Variants in NRXN2 observed in about 807,000 individuals in gnomAD.
The protein encoded by NRXN2 is neurexin 2.
NRXN2 carries 29 observed loss-of-function variants against 128.8 expected under a neutral mutation model. That is an observed-to-expected ratio of 0.23 (90% confidence interval 0.17 to 0.31). The LOEUF is 0.31. NRXN2 is among the 10% of genes least tolerant of loss of function. The pLI is 1.00. For missense variants in NRXN2, 1,881 were observed against 2,452.6 expected (o/e 0.77, Z 4.92); for synonymous variants, 1,098 against 1,075.2 (o/e 1.02, Z -0.41).
At chr11:64,688,188 C>T (rs1267777813) in intron 5 of NRXN2, among the ~76,000 whole-genome samples, 2 of 152,078 alleles carry the variant, frequency 1.3e-5, no homozygotes, top group African/African-American at 4.8e-5. Context: ...AGTGGAGAAA[C>T]GAGGCCATTT....
chr11:64,704,615 CACACACACAGAGAGAGAGAGAGAG>C (rs2055965011), intron 2 of NRXN2, among the ~76,000 whole-genome samples: 1 of 114,464 alleles, frequency 8.7e-6, no homozygotes, highest in Admixed American at 8.9e-5. Flanking sequence ...CACACACACA[CACACACACAGAGAGAGAGAGAGAG>C]AGAGAGAGAG....
At chr11:64,610,292 T>C (rs912283082) in intron 22 of NRXN2, among the ~76,000 whole-genome samples, 2 of 152,146 alleles carry the variant, frequency 1.3e-5, no homozygotes, top group African/African-American at 2.4e-5. Flanking sequence ...ACGAGCAAAG[T>C]AGCATGTTTT....
chr11:64,650,425 T>A, intron 15 of NRXN2, 23 bp downstream of exon 15: 4 of 1,613,642 alleles, frequency 2.5e-6, no homozygotes, highest in Non-Finnish European at 3.4e-6. Flanking sequence ...GGGCCAGGCC[T>A]TCTCCAGAGG....
Position 64,680,955 on chromosome 11 carries a change from G to A in NRXN2, c.1153-3918C>T, listed in dbSNP as rs1290521942. ...CTACTAAAAATACAAAAATTAGCCGGGCATGGTGGCAGGAACCTGTAATCC... is the reference window on the plus strand; with the variant it reads ...CTACTAAAAATACAAAAATTAGCCGAGCATGGTGGCAGGAACCTGTAATCC... On this transcript the variant is annotated intron_variant, in intron 6 of 22. Coordinates refer to ENST00000265459, the MANE Select transcript of NRXN2 (RefSeq NM_015080.4). 2.0e-5 allele frequency among the ~76,000 whole-genome samples: 3 copies of A among 151,804 alleles called. No individual in the cohort carries two copies. The East Asian group carries it at 5.8e-4, about 29-fold the overall frequency.
chr11:64,629,004 G>GGAAAGTC lies in NRXN2; in HGVS notation c.3757+1397_3757+1398insGACTTTC, dbSNP rs149569374. The stretch of plus-strand genomic sequence containing the variant: ...CTGTATGTATTAGGGGGCCACGCAG[G>GGAAAGTC]CCTCTTTATCTCCAGGGACTTTCCA... On this transcript the variant is annotated intron_variant, in intron 19 of 22. Coordinates refer to ENST00000265459, the MANE Select transcript of NRXN2 (RefSeq NM_015080.4). Among the ~76,000 whole-genome samples, 1,265 of 152,304 alleles carry GGAAAGTC rather than the reference G, an allele frequency of 8.3e-3. 19 individuals are homozygous for GGAAAGTC. Among genetic ancestry groups the GGAAAGTC allele is most frequent in the African/African-American group, 0.029 (1,212 of 41,546 alleles).
At position 64,714,899 on chromosome 11, in the gene NRXN2, C is replaced by T. The variant is rs2057249044; in HGVS notation, c.-244-956G>A. Among the ~76,000 whole-genome samples the T allele has an allele frequency of 6.6e-6, 1 of 152,048 alleles. No homozygotes were observed. The highest frequency in any genetic ancestry group is 1.5e-5 in the Non-Finnish European group (1 of 68,022). On this transcript the variant is annotated intron_variant, in intron 1 of 22. Coordinates refer to ENST00000265459, the MANE Select transcript of NRXN2 (RefSeq NM_015080.4). This position sits in a 1 kb window ranked among gnomAD's most constrained non-coding sequence, Gnocchi z 4.5. ...ATTTGCATCTCGTTAAACTCCAAGT[C>T]GTAATTATTTATATCCAACAACCCT...
intron 9 of NRXN2, among the ~76,000 whole-genome samples, chr11:64,665,279 C>CA (rs34174672): frequency 0.019 from 2,412 of 129,274 alleles, 36 homozygotes; most frequent in South Asian, 0.036. Context: ...GACTCCATCT[C>CA]AAAAAAAAAA....
At chr11:64,658,331 C>T (rs1053340370) in intron 11 of NRXN2, among the ~76,000 whole-genome samples, 2 of 152,208 alleles carry the variant, frequency 1.3e-5, no homozygotes, top group Admixed American at 1.3e-4. Context: ...CTTATGGGGT[C>T]CTTGGCTGGG....
rs1186356126 is a variant in NRXN2, at chr11:64,630,080, C to T, written c.3757+322G>A. ...CGCAATCGCATCAGATTCTCCTCAC[C>T]TCTACCCTCCCTCCACTTCTCCCCC... On this transcript the variant is annotated intron_variant, in intron 19 of 22. Transcript: ENST00000265459. This position sits in a 1 kb window ranked among gnomAD's most constrained non-coding sequence, Gnocchi z 4.6. 1.3e-5 allele frequency among the ~76,000 whole-genome samples: 2 copies of T among 152,024 alleles called. No homozygotes were observed. The highest frequency in any genetic ancestry group is 3.9e-4 in the East Asian group (2 of 5,184).
chr11:64,638,057 C>T (rs983348259), intron 17 of NRXN2, among the ~76,000 whole-genome samples: 2 of 152,160 alleles, frequency 1.3e-5, no homozygotes, highest in Admixed American at 6.5e-5. Context: ...AGCCAGGAAA[C>T]ATGGCGGTGA....
intron 21 of NRXN2, among the ~76,000 whole-genome samples, chr11:64,621,072 G>A (rs2042274441): frequency 6.6e-6 from 1 of 152,134 alleles, no homozygotes; most frequent in Non-Finnish European, 1.5e-5. Context: ...GAAACTGCGG[G>A]AAGGTGAGGA....
At position 64,652,169 on chromosome 11, in the gene NRXN2, G is replaced by C. The variant is rs200950162; in HGVS notation, c.2417-15C>G. ...GGGGCCTTTACCTGCGGCACCAAGG[G>C]GGGAATGAGGAGGGCACCTATACAT... On this transcript the variant is annotated splice_polypyrimidine_tract_variant and intron_variant, in intron 12 of 22. Coordinates refer to ENST00000265459, the MANE Select transcript of NRXN2 (RefSeq NM_015080.4). 4.7e-4 allele frequency: 752 copies of C among 1,608,578 alleles called. No individual in the cohort carries two copies. Among genetic ancestry groups the C allele is most frequent in the Non-Finnish European group, 6.1e-4 (714 of 1,179,008 alleles).
chr11:64,661,249 T>C (rs1009049500), intron 9 of NRXN2, 110 bp from the exon 10 acceptor site: 83 of 1,570,014 alleles, frequency 5.3e-5, no homozygotes, highest in Non-Finnish European at 7.1e-5. Context: ...CCTTGTGCCC[T>C]GCAGCAGGCT....
At chr11:64,642,856 GGGCTGCGCAGCCCCGCGAAGCCCCCCTCC>G (rs2045945320) in intron 17 of NRXN2, 1 of 1,055,506 alleles carries the variant, frequency 9.5e-7, no homozygotes, top group Non-Finnish European at 1.1e-6. Flanking sequence ...CGGGGACGCG[GGGCTGCGCAGCCCCGCGAAGCCCCCCTCC>G]GGCTCCGAGC....
intron 17 of NRXN2, chr11:64,642,447 G>C (rs930032579): frequency 3.7e-5 from 55 of 1,482,648 alleles, no homozygotes; most frequent in Non-Finnish European, 4.4e-5. Context: ...GTGCACAGCT[G>C]GGGTGGGGCC....
chr11:64,671,929 G>A (rs2050693340), intron 7 of NRXN2, among the ~76,000 whole-genome samples: 1 of 151,750 alleles, frequency 6.6e-6, no homozygotes, highest in South Asian at 2.1e-4. Flanking sequence ...ATCCTACCCA[G>A]GGCAGTGGGA....
rs1390649584 is a variant in NRXN2 at position 64,713,709 on chromosome 11, G to T, written c.-10C>A. The T allele has an allele frequency of 1.0e-5, 11 of 1,066,894 alleles. No individual in the cohort carries two copies. Among genetic ancestry groups the T allele is most frequent in the Non-Finnish European group, 1.2e-5 (11 of 884,978 alleles). The allele number at this position is 1,066,894 out of a possible 1,614,324, so 66.1% of individuals were successfully genotyped here. ...GGCTCCCGGACGCCATGCCTACGGC[G>T]GCCCCGGCCCCGCCCGGCCCCCGGC... is the stretch of plus-strand genomic sequence containing the variant. On this transcript the variant is annotated 5_prime_UTR_variant, in exon 2 of 23. Coordinates refer to ENST00000265459, the MANE Select transcript of NRXN2 (RefSeq NM_015080.4).
chr11:64,646,962 G>A (rs1002780197), intron 17 of NRXN2, among the ~76,000 whole-genome samples: 1 of 152,154 alleles, frequency 6.6e-6, no homozygotes, highest in African/African-American at 2.4e-5. Context: ...AAGCACTGAG[G>A]GAGATGGGGT....
chr11:64,650,537 G>A lies in NRXN2; in HGVS notation c.3020C>T (p.Ser1007Phe). The A allele has an allele frequency of 1.9e-6, 3 of 1,614,174 alleles. No homozygotes were observed. The highest frequency in any genetic ancestry group is 2.5e-6 in the Non-Finnish European group (3 of 1,180,032). The change falls in exon 15 of 23, where the codon TCC becomes TTC. Residue 1007 changes from serine to phenylalanine, a missense_variant. This residue lies in a region of NRXN2 where 390 missense variants were observed against 599.6 expected (regional missense o/e 0.65). Coordinates refer to ENST00000265459, the MANE Select transcript of NRXN2 (RefSeq NM_015080.4). ...CGTGTGCACGTTGCCTGGGTCCCTG[G>A]ACACCACCACGTTGTGCCACTGGTT... ...NDNQWHNVVV[S>F]RDPGNVHTLK...
Sources: allele counts gnomAD v4.1 joint callset (sites outside exome capture counted in the v4.1 genomes callset), GRCh38; gene constraint gnomAD v4.1.1; regional missense constraint gnomAD v4.1.1; non-coding constraint Gnocchi (gnomAD v3.1); transcripts MANE v1.5; gene names NCBI Gene and HGNC (gene_info 2026-07-23, HGNC 2026-07-21).